COL5A1: variants seen among roughly 807,000 people sequenced by gnomAD.
The protein encoded by COL5A1 is collagen alpha-1(V) chain.
A neutral mutation model predicts 263.7 loss-of-function variants in COL5A1; 16 were observed. That is an observed-to-expected ratio of 0.06 (90% CI 0.04 to 0.09). COL5A1 has a LOEUF of 0.09. Among genes scored for constraint, COL5A1 ranks in the 10% least tolerant of loss-of-function variants. The pLI is 1.00. For synonymous variants in COL5A1, 1,012 were observed against 1,004.5 expected, an observed-to-expected ratio of 1.01 and a Z score of -0.14; for missense variants, 2,036 against 2,540.5, an observed-to-expected ratio of 0.80 and a Z score of 4.27.
Position 134,765,541 on chromosome 9 carries a change from C to A in COL5A1, c.2035-140C>A. On this transcript the variant is annotated intron_variant, in intron 20 of 65. Transcript: ENST00000371817. The surrounding 1 kb of genome is among the most constrained non-coding windows in gnomAD (Gnocchi z 5.1). ...GCAGCAGGCTGGGAGGGAGTCTGGGCCTCACTCCTGGGAGGCCAGGAGGCC... is the reference window on the plus strand; with the variant it reads ...GCAGCAGGCTGGGAGGGAGTCTGGGACTCACTCCTGGGAGGCCAGGAGGCC... 1 of 733,556 alleles carries A rather than the reference C, an allele frequency of 1.4e-6. No individual in the cohort carries two copies. Among genetic ancestry groups the A allele is most frequent in the South Asian group, 1.6e-5 (1 of 61,316 alleles). 45.4% of individuals were successfully genotyped at this position (733,556 alleles called of 1,614,324 possible). A position where few individuals can be genotyped will look rare whatever the true frequency, so the allele number is the denominator to read the frequency against.
intron 1 of COL5A1, among the ~76,000 whole-genome samples, chr9:134,658,940 C>G (rs1206397366): frequency 1.3e-5 from 2 of 152,236 alleles, no homozygotes; most frequent in Admixed American, 6.5e-5. Flanking sequence ...AAGAGTAGGA[C>G]TCTCTGGGAC....
intron 1 of COL5A1, among the ~76,000 whole-genome samples, chr9:134,659,556 T>A (rs940710034): frequency 6.6e-6 from 1 of 152,146 alleles, no homozygotes; most frequent in African/African-American, 2.4e-5. Flanking sequence ...ACTTTTTTTC[T>A]TTGGGGTCTT....
At chr9:134,701,937 G>A (rs1225025313) in intron 4 of COL5A1, among the ~76,000 whole-genome samples, 2 of 152,222 alleles carry the variant, frequency 1.3e-5, no homozygotes, top group Non-Finnish European at 2.9e-5. Flanking sequence ...TTGGGGTTCT[G>A]CGTGAGAGAG....
chr9:134,710,273 G>A (rs3128591), intron 4 of COL5A1, among the ~76,000 whole-genome samples: 110,239 of 152,220 alleles, frequency 0.72, 40,193 homozygotes, highest in Admixed American at 0.8. Context: ...CGCGCGAGAC[G>A]GTGGCTGTTG....
intron 34 of COL5A1, among the ~76,000 whole-genome samples, chr9:134,795,929 C>A (rs1216531964): frequency 6.6e-6 from 1 of 152,222 alleles, no homozygotes; most frequent in Non-Finnish European, 1.5e-5. Context: ...CACCCACAGG[C>A]CACCCTGAAC....
At chr9:134,782,538 C>A in intron 28 of COL5A1, 129 bp from the exon 29 acceptor site, 1 of 871,610 alleles carries the variant, frequency 1.1e-6, no homozygotes, top group Non-Finnish European at 2.0e-6. Flanking sequence ...CCCACCCCGT[C>A]CGGGCCATGT....
intron 4 of COL5A1, among the ~76,000 whole-genome samples, chr9:134,714,795 TGTGGTG>T (rs373482182): frequency 3.7e-4 from 4 of 10,838 alleles, no homozygotes; most frequent in Admixed American, 1.3e-3. Flanking sequence ...TGGAGGTGAT[TGTGGTG>T]GTGGTGGTGG....
At chr9:134,814,147 G>A in intron 49 of COL5A1, 111 bp downstream of exon 49, 2 of 1,078,642 alleles carry the variant, frequency 1.9e-6, no homozygotes, top group Non-Finnish European at 1.4e-6. Flanking sequence ...CACGAAATGG[G>A]AGTTGTAACC....
intron 29 of COL5A1, 116 bp downstream of exon 29, chr9:134,782,836 T>G: frequency 2.0e-6 from 2 of 1,024,502 alleles, no homozygotes; most frequent in Non-Finnish European, 3.1e-6. Context: ...AGGTAAACTC[T>G]TGGTAGAGAT....
chr9:134,728,609 C>T lies in COL5A1; in HGVS notation c.787-61C>T, dbSNP rs987294839. The T allele has an allele frequency of 1.9e-5, 31 of 1,610,658 alleles. No individual in the cohort carries two copies. The African/African-American group carries it at 4.0e-4, about 21-fold the overall frequency. Reference sequence around the variant, plus strand: ...GATCTGGAGGTTGCGGAAGGAAGGACAGCAGGCTGGTCGCTCTGCGGGCTC... The same window carrying T: ...GATCTGGAGGTTGCGGAAGGAAGGATAGCAGGCTGGTCGCTCTGCGGGCTC... On this transcript the variant is annotated intron_variant, in intron 5 of 65. Transcript: ENST00000371817.
chr9:134,811,952 A>G (rs1838540428), intron 46 of COL5A1, among the ~76,000 whole-genome samples: 1 of 152,234 alleles, frequency 6.6e-6, no homozygotes, highest in Non-Finnish European at 1.5e-5. Flanking sequence ...TCTCATGCAC[A>G]GAGGCGCATA....
chr9:134,719,309 T>G (rs955758556), intron 4 of COL5A1, among the ~76,000 whole-genome samples: 1 of 152,222 alleles, frequency 6.6e-6, no homozygotes, highest in Admixed American at 6.5e-5. Flanking sequence ...CGTAGGCATG[T>G]ATGTCACGCA....
intron 42 of COL5A1, among the ~76,000 whole-genome samples, chr9:134,808,710 T>A (rs920606584): frequency 6.6e-6 from 1 of 152,184 alleles, no homozygotes; most frequent in Non-Finnish European, 1.5e-5. Flanking sequence ...GTACATGTCT[T>A]CATGTGTGAG....
chr9:134,655,159 G>T (rs553385349), intron 1 of COL5A1, among the ~76,000 whole-genome samples: 6 of 151,190 alleles, frequency 4.0e-5, no homozygotes, highest in Non-Finnish European at 8.9e-5. Context: ...TGTAGGGCTG[G>T]TGTGTGTATA....
rs1476164063 is a variant in COL5A1, at chr9:134,817,058, A to G, written c.4155A>G (p.Pro1385=). The part of the protein sequence containing the change: ...GSPGPTGEPG[P]SGPPGKRGPP... Reference sequence around the variant, plus strand: ...CCGGCCCTACTGGTGAACCAGGTCCATCGGGGCCTCCAGGAAAAAGGGTAA... The same window carrying G: ...CCGGCCCTACTGGTGAACCAGGTCCGTCGGGGCCTCCAGGAAAAAGGGTAA... Residue 1385 remains proline (P), a synonymous_variant, in exon 53 of 66, where the codon CCA becomes CCG. Coordinates refer to ENST00000371817, the MANE Select transcript of COL5A1 (RefSeq NM_000093.5). The G allele has an allele frequency of 6.2e-6, 10 of 1,613,738 alleles. No individual in the cohort carries two copies. Among genetic ancestry groups the G allele is most frequent in the African/African-American group, 1.3e-5 (1 of 74,910 alleles).
In COL5A1 at chr9:134,681,239, C is replaced by T. The variant is rs1209757354; in HGVS notation, c.110-9673C>T. On this transcript the variant is annotated intron_variant, in intron 1 of 65. Transcript: ENST00000371817. This position sits in a 1 kb window ranked among gnomAD's most constrained non-coding sequence, Gnocchi z 4.3. ...CGATGGCTCGGCCCTCAGCCCGGCC[C>T]TTCAAGAACTGTGGCTCTCTGGCTT... 1.3e-5 allele frequency among the ~76,000 whole-genome samples: 2 copies of T among 152,226 alleles called. No homozygotes were observed. Among genetic ancestry groups the T allele is most frequent in the African/African-American group, 4.8e-5 (2 of 41,462 alleles).
chr9:134,691,636 A>T (rs1833284435), intron 2 of COL5A1: 1 of 157,910 alleles, frequency 6.3e-6, no homozygotes, highest in Non-Finnish European at 1.4e-5. Flanking sequence ...ACAGCATCCA[A>T]GTTGTCCCTG....
At chr9:134,730,152 C>T in intron 6 of COL5A1, 84 bp from the exon 7 acceptor site, 1 of 1,580,276 alleles carries the variant, frequency 6.3e-7, no homozygotes, top group South Asian at 1.1e-5. Flanking sequence ...GAGATGCCTG[C>T]ACCCGGACAT....
chr9:134,697,129 T>C (rs1390583611), intron 2 of COL5A1, among the ~76,000 whole-genome samples: 3 of 151,888 alleles, frequency 2.0e-5, no homozygotes, highest in Non-Finnish European at 4.4e-5. Context: ...AACTGTGACT[T>C]TTCTTGGAGA....
Sources: allele counts gnomAD v4.1 joint callset (sites outside exome capture counted in the v4.1 genomes callset), GRCh38; gene constraint gnomAD v4.1.1; non-coding constraint Gnocchi (gnomAD v3.1); transcripts MANE v1.5; gene names NCBI Gene and HGNC (gene_info 2026-07-23, HGNC 2026-07-21).